The following ERCC4 variants were observed in gnomAD, a reference collection of about 807,000 sequenced individuals.
ERCC4 encodes DNA repair endonuclease XPF.
In ERCC4, 65 loss-of-function variants were observed where a neutral mutation model predicts 76.9. The observed-to-expected ratio is 0.84, with a 90% CI of 0.69 to 1.04. The LOEUF is 1.04. Among genes scored for constraint, ERCC4 ranks in the 50% least tolerant of loss-of-function variants. ERCC4 has a pLI of 0.00. For missense variants in ERCC4, 1,214 were observed against 1,128.2 expected, an observed-to-expected ratio of 1.08 and a Z score of -1.09; for synonymous variants, 463 against 410.1, an observed-to-expected ratio of 1.13 and a Z score of -1.56.
At chr16:13,937,495 A>G (rs765906469) in intron 8 of ERCC4, among the ~76,000 whole-genome samples, 5 of 152,194 alleles carry the variant, frequency 3.3e-5, no homozygotes, top group Non-Finnish European at 4.4e-5. Context: ...GAATTATTCT[A>G]TCCCTCTAGT....
chr16:13,939,648 A>C (rs529272140), intron 9 of ERCC4, among the ~76,000 whole-genome samples: 1 of 152,322 alleles, frequency 6.6e-6, no homozygotes, highest in South Asian at 2.1e-4. Flanking sequence ...GCACTGAAGC[A>C]TTCTAAGTAG....
chr16:13,926,865 T>C, intron 3 of ERCC4, 109 bp downstream of exon 3: 1 of 912,068 alleles, frequency 1.1e-6, no homozygotes, highest in African/African-American at 1.6e-5. Flanking sequence ...AAATTCATTG[T>C]AATTTTGTTT....
At chr16:13,922,769 G>T (rs891207180) in intron 2 of ERCC4, 162 of 256,702 alleles carry the variant, frequency 6.3e-4, no homozygotes, top group Admixed American at 2.0e-4. Flanking sequence ...CTTCTAGTGG[G>T]CACTACTGGA....
rs746495409 is a variant in ERCC4, at chr16:13,932,252, A to G, written c.1069A>G (p.Ile357Val). The G allele has an allele frequency of 2.5e-6, 4 of 1,611,482 alleles. No homozygotes were observed. The Admixed American group carries it at 6.7e-5, about 27-fold the overall frequency. Residue 357 changes from isoleucine to valine, a missense_variant, in exon 6 of 11, where the codon ATA becomes GTA. By Grantham distance (29) the Ile-to-Val change is conservative (BLOSUM62 3). Coordinates refer to ENST00000311895, the MANE Select transcript of ERCC4 (RefSeq NM_005236.3). ...PDAKMSKKEK[I>V]SEKMEIKEGE... ...TGCCAAAATGAGTAAAAAAGAAAAAATATCTGAAAAAATGGAAATTAAAGA... is the reference window on the plus strand; with the variant it reads ...TGCCAAAATGAGTAAAAAAGAAAAAGTATCTGAAAAAATGGAAATTAAAGA...
intron 9 of ERCC4, among the ~76,000 whole-genome samples, chr16:13,943,404 C>T (rs778115711): frequency 1.3e-5 from 2 of 152,158 alleles, no homozygotes; most frequent in Non-Finnish European, 2.9e-5. Flanking sequence ...CTTCACATGG[C>T]AGCAGGAGAG....
intron 4 of ERCC4, among the ~76,000 whole-genome samples, chr16:13,928,757 A>T (rs2032117371): frequency 6.6e-6 from 1 of 152,162 alleles, no homozygotes; most frequent in African/African-American, 2.4e-5. Context: ...TATTGCAGAT[A>T]TATAAATGTC....
chr16:13,951,951 T>C lies in ERCC4; in HGVS notation c.*3604T>C, dbSNP rs1249368919. ...TTAAGCCAGGCTTTGACGTGAATTATCACTTTTCTTTATTATTTTGTTTTC... is the reference window on the plus strand; with the variant it reads ...TTAAGCCAGGCTTTGACGTGAATTACCACTTTTCTTTATTATTTTGTTTTC... On this transcript the variant is annotated 3_prime_UTR_variant, in exon 11 of 11. Coordinates refer to ENST00000311895, the MANE Select transcript of ERCC4 (RefSeq NM_005236.3). 4.7e-6 allele frequency: 1 copy of C among 211,334 alleles called. No homozygotes were observed. Among genetic ancestry groups the C allele is most frequent in the East Asian group, 7.2e-5 (1 of 13,910 alleles). The allele number at this position is 211,334 out of a possible 1,614,324, so 13.1% of individuals were successfully genotyped here. A position where few individuals can be genotyped will look rare whatever the true frequency, so the allele number is the denominator to read the frequency against.
In ERCC4 at chr16:13,926,498, T is replaced by C. The variant is rs935025379; in HGVS notation, c.389-63T>C. The stretch of plus-strand genomic sequence containing the variant: ...TTCTCTTGTAAGTACTTAAGAAAAA[T>C]GTGATGAATGAATGGCAATTACCTA... On this transcript the variant is annotated intron_variant, in intron 2 of 10. Coordinates refer to ENST00000311895, the MANE Select transcript of ERCC4 (RefSeq NM_005236.3). The C allele has an allele frequency of 2.9e-6, 4 of 1,397,222 alleles. No individual in the cohort carries two copies. The African/African-American group carries it at 5.6e-5, about 20-fold the overall frequency. 86.6% of individuals were successfully genotyped at this position (1,397,222 alleles called of 1,614,324 possible). A position where few individuals can be genotyped will look rare whatever the true frequency, so the allele number is the denominator to read the frequency against.
At chr16:13,942,963 C>T (rs1022598681) in intron 9 of ERCC4, among the ~76,000 whole-genome samples, 1 of 152,182 alleles carries the variant, frequency 6.6e-6, no homozygotes, top group Non-Finnish European at 1.5e-5. Flanking sequence ...CAGCCAGAGC[C>T]ATTGCCATTG....
chr16:13,938,420 C>T (rs1406647999), intron 9 of ERCC4, among the ~76,000 whole-genome samples: 2 of 152,078 alleles, frequency 1.3e-5, no homozygotes, highest in Admixed American at 6.5e-5. Context: ...TAGAAAATGC[C>T]CTTCCATTTT....
At chr16:13,922,793 C>G (rs1006690003) in intron 2 of ERCC4, 66 of 200,604 alleles carry the variant, frequency 3.3e-4, no homozygotes, top group African/African-American at 1.5e-3. Context: ...TTTTGTTCAA[C>G]ATTATGCTTC....
rs944633114 is a variant in ERCC4 at position 13,949,821 on chromosome 16, G to T, written c.*1474G>T. On this transcript the variant is annotated 3_prime_UTR_variant, in exon 11 of 11. Coordinates refer to ENST00000311895, the MANE Select transcript of ERCC4 (RefSeq NM_005236.3). ...TAGTAAATTTTCTACCTCAGGAGCTGATATAGACATCAGTTCTGCTAGCCA... is the reference window on the plus strand; with the variant it reads ...TAGTAAATTTTCTACCTCAGGAGCTTATATAGACATCAGTTCTGCTAGCCA... 2 of 232,298 alleles carry T rather than the reference G, an allele frequency of 8.6e-6. No individual in the cohort carries two copies. The highest frequency in any genetic ancestry group is 1.7e-5 in the Non-Finnish European group (2 of 117,528). The allele number at this position is 232,298 out of a possible 1,614,324, so 14.4% of individuals were successfully genotyped here. A position where few individuals can be genotyped will look rare whatever the true frequency, so the allele number is the denominator to read the frequency against.
At chr16:13,938,850 A>G (rs567193716) in intron 9 of ERCC4, among the ~76,000 whole-genome samples, 1 of 152,382 alleles carries the variant, frequency 6.6e-6, no homozygotes, top group African/African-American at 2.4e-5. Context: ...TAACCTGGAT[A>G]GCCCAGGAGA....
chr16:13,928,819 T>A (rs1401456579), intron 4 of ERCC4, among the ~76,000 whole-genome samples: 1 of 152,192 alleles, frequency 6.6e-6, no homozygotes, highest in Admixed American at 6.5e-5. Flanking sequence ...CGTCTAGTAT[T>A]GAATTGGAGA....
chr16:13,939,160 G>C (rs1328906261), intron 9 of ERCC4, among the ~76,000 whole-genome samples: 2 of 152,162 alleles, frequency 1.3e-5, no homozygotes, highest in African/African-American at 4.8e-5. Flanking sequence ...CATTATACCA[G>C]CCGCCTCTTG....
intron 2 of ERCC4, among the ~76,000 whole-genome samples, chr16:13,924,382 A>G (rs949764425): frequency 6.6e-6 from 1 of 152,218 alleles, no homozygotes; most frequent in Non-Finnish European, 1.5e-5. Flanking sequence ...ACTGACCCTG[A>G]CATCTCCAGA....
chr16:13,934,123 TA>T, intron 6 of ERCC4, 68 bp from the exon 7 acceptor site: 1 of 1,008,044 alleles, frequency 9.9e-7, no homozygotes, highest in Non-Finnish European at 1.5e-6. Flanking sequence ...TCTGTTGTTT[TA>T]AAAGCCTTTG....
At chr16:13,920,487 A>G (rs1252757639) in intron 1 of ERCC4, 115 bp downstream of exon 1, 1 of 941,970 alleles carries the variant, frequency 1.1e-6, no homozygotes, top group Non-Finnish European at 1.6e-6. Flanking sequence ...CAGGCCCCTG[A>G]CACTACGCGA....
Position 13,945,979 on chromosome 16 carries a change from G to A in ERCC4, c.2017+1144G>A, listed in dbSNP as rs764806900. 2.3e-4 allele frequency among the ~76,000 whole-genome samples: 35 copies of A among 152,298 alleles called. No individual in the cohort carries two copies. In the Middle Eastern group the frequency reaches 0.01, roughly 44 times the overall value. On this transcript the variant is annotated intron_variant, in intron 10 of 10. Coordinates refer to ENST00000311895, the MANE Select transcript of ERCC4 (RefSeq NM_005236.3). ...TTCTGCAGGTTCAAAGTCCAAATGG[G>A]TTTCACAAGGCTAAAATCAAGATAT...
Sources: allele counts gnomAD v4.1 joint callset (sites outside exome capture counted in the v4.1 genomes callset), GRCh38; gene constraint gnomAD v4.1.1; transcripts MANE v1.5; gene names NCBI Gene and HGNC (gene_info 2026-07-23, HGNC 2026-07-21).